Variants in SCFD2 observed in about 807,000 individuals in gnomAD.
The protein encoded by SCFD2 is sec1 family domain-containing protein 2.
Under a neutral mutation model 58.9 loss-of-function variants are expected in SCFD2, and 54 were observed. The observed-to-expected ratio is 0.92, with a 90% CI of 0.74 to 1.15. SCFD2 has a LOEUF of 1.15. Ranked by LOEUF, SCFD2 falls within the 50% of genes most tolerant of loss-of-function variation. SCFD2 has a pLI of 0.00. For synonymous variants in SCFD2, 321 were observed against 335.9 expected, an observed-to-expected ratio of 0.96 and a Z score of 0.49; for missense variants, 805 against 836.6, an observed-to-expected ratio of 0.96 and a Z score of 0.47.
At chr4:53,325,819 G>A (rs1230468149) in intron 2 of SCFD2, among the ~76,000 whole-genome samples, 1 of 152,168 alleles carries the variant, frequency 6.6e-6, no homozygotes, top group Non-Finnish European at 1.5e-5. Context: ...TATTTAACAG[G>A]TAGCTTCTTG....
chr4:52,886,937 G>T (rs1341983501), intron 7 of SCFD2, among the ~76,000 whole-genome samples: 1 of 152,202 alleles, frequency 6.6e-6, no homozygotes, highest in African/African-American at 2.4e-5. Flanking sequence ...TTTGTTGCAT[G>T]GCTCTGTATA....
At chr4:53,063,075 T>C (rs1474537207) in intron 5 of SCFD2, among the ~76,000 whole-genome samples, 1 of 152,208 alleles carries the variant, frequency 6.6e-6, no homozygotes, top group Admixed American at 6.5e-5. Flanking sequence ...TATAGGTTTA[T>C]ATTTAAAATA....
At position 52,877,203 on chromosome 4, in the gene SCFD2, G is replaced by A. The variant is rs185250646; in HGVS notation, c.1963-3142C>T. On this transcript the variant is annotated intron_variant, in intron 8 of 8. Coordinates refer to ENST00000401642, the MANE Select transcript of SCFD2 (RefSeq NM_152540.4). ...TGGATTTGGCTACCGCCACTGAGCT[G>A]GAACAGTAAGGCCAGCCCTCACATC... 2.7e-3 allele frequency among the ~76,000 whole-genome samples: 405 copies of A among 152,346 alleles called. 3 individuals are homozygous for A. Among genetic ancestry groups the A allele is most frequent in the Non-Finnish European group, 3.0e-3 (203 of 68,044 alleles).
chr4:53,022,052 G>T (rs1442842676), intron 5 of SCFD2, among the ~76,000 whole-genome samples: 1 of 152,176 alleles, frequency 6.6e-6, no homozygotes, highest in East Asian at 1.9e-4. Context: ...TGGGGATGTT[G>T]TCAGGTGATT....
At position 53,273,892 on chromosome 4, in the gene SCFD2, T is replaced by C. The variant is rs1323063400; in HGVS notation, c.1245A>G (p.Gln415=). The C allele has an allele frequency of 6.2e-7, 1 of 1,613,792 alleles. No homozygotes were observed. The highest frequency in any genetic ancestry group is 1.1e-5 in the South Asian group (1 of 91,024). The change falls in exon 4 of 9, where the codon CAA becomes CAG. Residue 415 remains glutamine, a synonymous_variant. Transcript: ENST00000401642. ...TGGCAGTCTGTGGGTGTTTCAACGTTTGAGCTGTGGCCAGTCCAAGCTGGA... is the reference window on the plus strand; with the variant it reads ...TGGCAGTCTGTGGGTGTTTCAACGTCTGAGCTGTGGCCAGTCCAAGCTGGA... ...GLLQLGLATA[Q]TLKHPQTAKW...
At chr4:53,227,901 T>G (rs550616485) in intron 4 of SCFD2, among the ~76,000 whole-genome samples, 23 of 152,318 alleles carry the variant, frequency 1.5e-4, no homozygotes, top group African/African-American at 5.5e-4. Context: ...AAGTGCAGTT[T>G]GACAATTACA....
intron 5 of SCFD2, among the ~76,000 whole-genome samples, chr4:52,997,542 G>T (rs1721771253): frequency 6.6e-6 from 1 of 152,182 alleles, no homozygotes; most frequent in Admixed American, 6.5e-5. Context: ...AAGGCCATTA[G>T]GTGTGGTCTA....
intron 1 of SCFD2, among the ~76,000 whole-genome samples, chr4:53,357,425 T>C (rs1430715358): frequency 1.4e-5 from 2 of 144,452 alleles, no homozygotes; most frequent in African/African-American, 5.6e-5. Flanking sequence ...CAAGACTCTG[T>C]CTCAAAAAAA....
At chr4:53,020,964 G>C (rs1177095799) in intron 5 of SCFD2, among the ~76,000 whole-genome samples, 2 of 152,136 alleles carry the variant, frequency 1.3e-5, no homozygotes, top group African/African-American at 4.8e-5. Flanking sequence ...TTCCAGAATT[G>C]CTCCTGTGGC....
chr4:52,994,768 A>G (rs895688203), intron 5 of SCFD2, among the ~76,000 whole-genome samples: 7 of 152,224 alleles, frequency 4.6e-5, no homozygotes, highest in Admixed American at 4.6e-4. Context: ...ATGCAAAAAC[A>G]TTCCCTCATT....
chr4:52,889,171 C>T (rs142156556), intron 7 of SCFD2, among the ~76,000 whole-genome samples: 1,621 of 152,326 alleles, frequency 0.011, 14 homozygotes, highest in Non-Finnish European at 0.017. Flanking sequence ...TCAAGTTTGT[C>T]TCCCCATCCG....
chr4:52,884,869 T>A (rs1718698052), intron 8 of SCFD2, among the ~76,000 whole-genome samples: 1 of 152,142 alleles, frequency 6.6e-6, no homozygotes, highest in Admixed American at 6.5e-5. Context: ...ACTGCAGCCA[T>A]CATTGACTGA....
chr4:53,122,104 C>T lies in SCFD2; in HGVS notation c.1561+23229G>A, dbSNP rs1343625975. Among the ~76,000 whole-genome samples, 22 of 152,226 alleles carry T rather than the reference C, an allele frequency of 1.4e-4. 1 individual carries two copies. The highest frequency in any genetic ancestry group is 7.2e-4 in the Admixed American group (11 of 15,282). On this transcript the variant is annotated intron_variant, in intron 5 of 8. Transcript: ENST00000401642. ...AACATTCTGAACCCTAGTCTGGGCGCGGTGGCTCATGCCTGTAATCCCAGC... is the reference window on the plus strand; with the variant it reads ...AACATTCTGAACCCTAGTCTGGGCGTGGTGGCTCATGCCTGTAATCCCAGC...
chr4:52,965,723 T>C (rs1171529844), intron 5 of SCFD2, among the ~76,000 whole-genome samples: 1 of 152,204 alleles, frequency 6.6e-6, no homozygotes, highest in East Asian at 1.9e-4. Context: ...GTACCATACA[T>C]GTGACCAAAA....
At chr4:52,973,869 C>A (rs1721178480) in intron 5 of SCFD2, among the ~76,000 whole-genome samples, 1 of 152,138 alleles carries the variant, frequency 6.6e-6, no homozygotes, top group Non-Finnish European at 1.5e-5. Flanking sequence ...TCATCATAGG[C>A]AAATCAATAA....
intron 8 of SCFD2, among the ~76,000 whole-genome samples, chr4:52,878,740 G>C (rs1317708717): frequency 1.3e-5 from 2 of 152,172 alleles, no homozygotes; most frequent in Non-Finnish European, 2.9e-5. Flanking sequence ...TTAAGCACTA[G>C]AGAATTCCTT....
At chr4:53,184,796 G>C (rs1213225736) in intron 4 of SCFD2, among the ~76,000 whole-genome samples, 1 of 152,000 alleles carries the variant, frequency 6.6e-6, no homozygotes, top group East Asian at 1.9e-4. Flanking sequence ...TTGTTATCAT[G>C]AGGCTTTGTA....
intron 7 of SCFD2, among the ~76,000 whole-genome samples, chr4:52,905,290 A>C (rs1719318497): frequency 6.6e-6 from 1 of 152,198 alleles, no homozygotes; most frequent in African/African-American, 2.4e-5. Flanking sequence ...CTTTAAGTTC[A>C]TTCCAATTTT....
chr4:53,089,613 A>G (rs1393042924), intron 5 of SCFD2, among the ~76,000 whole-genome samples: 3 of 152,218 alleles, frequency 2.0e-5, no homozygotes, highest in African/African-American at 7.2e-5. Flanking sequence ...TAAATATTTA[A>G]TAGTCAAAAG....
Sources: gnomAD v4.1 joint callset for allele counts (sites outside exome capture counted in the v4.1 genomes callset) on GRCh38, gnomAD v4.1.1 for gene constraint, MANE v1.5 for transcripts, NCBI Gene and HGNC (gene_info 2026-07-23, HGNC 2026-07-21) for gene names.